ZFHX3: variants seen among roughly 807,000 people sequenced by gnomAD.
ZFHX3 encodes the protein zinc finger homeobox 3.
ZFHX3 carries 42 observed loss-of-function variants against 279.1 expected under a neutral mutation model. The observed-to-expected ratio is 0.15, with a 90% CI of 0.12 to 0.19. The LOEUF (loss-of-function observed/expected upper bound fraction) is 0.19, where lower values mean the gene tolerates loss of function less well. ZFHX3 is among the 10% of genes least tolerant of loss of function. The probability of loss-of-function intolerance (pLI) is 1.00; values close to 1 mark genes in which losing one functional copy is unlikely to be tolerated. For missense variants in ZFHX3, 4,981 were observed against 4,754.0 expected, an observed-to-expected ratio of 1.05 and a Z score of -1.40; for synonymous variants, 2,293 against 1,957.8, an observed-to-expected ratio of 1.17 and a Z score of -4.52.
At chr16:73,778,085 TA>T (rs1959319658) in intron 1 of ZFHX3, among the ~76,000 whole-genome samples, 1 of 151,926 alleles carries the variant, frequency 6.6e-6, no homozygotes, top group African/African-American at 2.4e-5. Context: ...ACAAAATAAA[TA>T]TTTTTTAAAA....
chr16:73,357,286 G>T (rs1211930881), intron 3 of ZFHX3, among the ~76,000 whole-genome samples: 4 of 151,788 alleles, frequency 2.6e-5, no homozygotes, highest in Non-Finnish European at 4.4e-5. Context: ...TGCATCAGCA[G>T]GTTTGCATCT....
At chr16:73,806,696 G>T (rs1378908195) in intron 1 of ZFHX3, among the ~76,000 whole-genome samples, 1 of 152,114 alleles carries the variant, frequency 6.6e-6, no homozygotes, top group Non-Finnish European at 1.5e-5. Context: ...CTTCCTCATT[G>T]CTTGCCCTTT....
Position 73,450,455 on chromosome 16 carries a change from A to AT in ZFHX3, c.-1291+5547dup, listed in dbSNP as rs565744881. On this transcript the variant is annotated intron_variant, in intron 3 of 17. Coordinates refer to the ZFHX3 transcript ENST00000641206. The stretch of plus-strand genomic sequence containing the variant: ...TATGTAGCGGACATGTGTCATTTTT[A>AT]TAAAAAAAAAGTCATTATTCCATAA... Among the ~76,000 whole-genome samples, 26 of 148,358 alleles carry AT rather than the reference A, an allele frequency of 1.8e-4. 1 individual carries two copies. Among genetic ancestry groups the AT allele is most frequent in the Non-Finnish European group, 3.0e-4 (20 of 66,980 alleles).
rs904865929 is a variant in ZFHX3 at position 73,750,140 on chromosome 16, G to A, written c.-1607-69900C>T. Among the ~76,000 whole-genome samples, 7 of 152,194 alleles carry A rather than the reference G, an allele frequency of 4.6e-5. No individual in the cohort carries two copies. In the South Asian group the frequency reaches 8.3e-4, roughly 18 times the overall value. On this transcript the variant is annotated intron_variant, in intron 1 of 17. Coordinates refer to the ZFHX3 transcript ENST00000641206. ...GAGAAAGGAACTCAATAGGGAGAAA[G>A]AAACCAAGGCTGACAGCTTCCCCTA...
intron 3 of ZFHX3, among the ~76,000 whole-genome samples, chr16:72,919,825 ACT>A (rs2039538166): frequency 1.2e-5 from 1 of 86,870 alleles, no homozygotes; most frequent in Non-Finnish European, 2.0e-5. Context: ...AGAGTTCTTC[ACT>A]CTGTTGCCAG....
chr16:72,917,251 T>C (rs1456840770), intron 3 of ZFHX3, among the ~76,000 whole-genome samples: 3 of 151,662 alleles, frequency 2.0e-5, no homozygotes, highest in South Asian at 2.1e-4. Flanking sequence ...AATAAATAAA[T>C]AAACAAACAA....
intron 2 of ZFHX3, chr16:73,499,663 G>C (rs1597359506): frequency 1.3e-5 from 2 of 152,150 alleles, no homozygotes; most frequent in African/African-American, 4.8e-5. Flanking sequence ...ATGTATGAGG[G>C]GATCTTAATA....
chr16:73,671,503 C>T (rs552935855), intron 2 of ZFHX3, among the ~76,000 whole-genome samples: 1 of 152,148 alleles, frequency 6.6e-6, no homozygotes, highest in African/African-American at 2.4e-5. Flanking sequence ...TTTTAGAAAA[C>T]CTTTAATTTA....
Position 73,471,427 on chromosome 16 carries a change from A to G in ZFHX3, c.-1546-15169T>C, listed in dbSNP as rs78338830. 2.0e-5 allele frequency among the ~76,000 whole-genome samples: 3 copies of G among 149,340 alleles called. No individual in the cohort carries two copies. In the East Asian group the frequency reaches 5.9e-4, roughly 29 times the overall value. ...TTTCTTTTTCTTTCTTTTTTTTTTT[A>G]GACAGAATTTCACTCTTGTCGCCCA... On this transcript the variant is annotated intron_variant, in intron 2 of 17. Coordinates refer to the ZFHX3 transcript ENST00000641206.
chr16:73,401,165 C>T (rs1041988335), intron 3 of ZFHX3: 9 of 151,940 alleles, frequency 5.9e-5, no homozygotes, highest in African/African-American at 2.2e-4. Flanking sequence ...GGTTTGTGGT[C>T]CCGCTCATCT....
In ZFHX3 at chr16:72,798,136, C is replaced by A. The variant is rs763864463; in HGVS notation, c.4546G>T (p.Asp1516Tyr). Residue 1516 changes from aspartate (D) to tyrosine (Y), a missense_variant, in exon 9 of 10, where the codon GAC becomes TAC. By Grantham distance (160) the Asp-to-Tyr change is radical. This residue lies in a region of ZFHX3 where 1,751 missense variants were observed against 1,770.0 expected (regional missense o/e 0.99). Coordinates refer to ENST00000268489, the MANE Select transcript of ZFHX3 (RefSeq NM_006885.4). ...GCTCTCTTTGGCTCTGAGCCCGAGTCTTCTTGTACTGACCCAGAGTCACTG... is the reference window on the plus strand; with the variant it reads ...GCTCTCTTTGGCTCTGAGCCCGAGTATTCTTGTACTGACCCAGAGTCACTG... ...TGSDSGSVQE[D>Y]SGSEPKRALP... The A allele has an allele frequency of 1.2e-6, 2 of 1,614,208 alleles. No homozygotes were observed. The highest frequency in any genetic ancestry group is 4.5e-5 in the East Asian group (2 of 44,888).
At chr16:73,540,631 T>A (rs2019994337) in intron 2 of ZFHX3, among the ~76,000 whole-genome samples, 1 of 152,262 alleles carries the variant, frequency 6.6e-6, no homozygotes, top group Admixed American at 6.5e-5. Context: ...TTCCTTTGAC[T>A]TTTTCAAGTA....
intron 1 of ZFHX3, among the ~76,000 whole-genome samples, chr16:73,807,538 T>TC (rs1183585065): frequency 2.0e-5 from 3 of 150,816 alleles, no homozygotes; most frequent in African/African-American, 7.3e-5. Flanking sequence ...CACTGCAGCC[T>TC]CCATCTCCTG....
intron 1 of ZFHX3, among the ~76,000 whole-genome samples, chr16:73,695,511 C>T (rs531761048): frequency 6.6e-6 from 1 of 152,138 alleles, no homozygotes; most frequent in African/African-American, 2.4e-5. Context: ...CAGAACTAGT[C>T]AACAGAAGGT....
chr16:73,441,256 A>C (rs966417444), intron 3 of ZFHX3, among the ~76,000 whole-genome samples: 1 of 152,158 alleles, frequency 6.6e-6, no homozygotes, highest in African/African-American at 2.4e-5. Flanking sequence ...AGGGAGAGAG[A>C]GATGCTGTAA....
chr16:72,988,550 T>C (rs2144561798), intron 1 of ZFHX3, among the ~76,000 whole-genome samples: 1 of 152,340 alleles, frequency 6.6e-6, no homozygotes, highest in Middle Eastern at 3.4e-3. Flanking sequence ...TCACTTCTTT[T>C]CAAATAACGC....
intron 4 of ZFHX3, among the ~76,000 whole-genome samples, chr16:73,312,266 T>C (rs1044471349): frequency 1.3e-4 from 20 of 152,114 alleles, no homozygotes; most frequent in Admixed American, 5.2e-4. Flanking sequence ...TATCTTTAAA[T>C]ATTTGGAGGG....
chr16:72,798,344 C>A lies in ZFHX3; in HGVS notation c.4338G>T (p.Lys1446Asn). Reference sequence around the variant, plus strand: ...GCTCCAGGTGGCTTGTCTCAAGGTGCTTCTTCAGAGCCTGGAAAGTTCGGA... The same window carrying A: ...GCTCCAGGTGGCTTGTCTCAAGGTGATTCTTCAGAGCCTGGAAAGTTCGGA... ...RSFRTFQALKKHLETSHLELS... is the reference protein window; with the variant it reads ...RSFRTFQALKNHLETSHLELS... Residue 1446 changes from lysine (K) to asparagine (N), a missense_variant, in exon 9 of 10, where the codon AAG (lysine) becomes AAT (asparagine). Around this residue, in one of 7 missense-constraint regions of ZFHX3, gnomAD observed 1,751 missense variants for 1,770.0 expected, o/e 0.99. Coordinates refer to ENST00000268489, the MANE Select transcript of ZFHX3 (RefSeq NM_006885.4). 6.2e-7 allele frequency: 1 copy of A among 1,614,228 alleles called. No homozygotes were observed.
At chr16:73,593,772 T>A (rs766198647) in intron 2 of ZFHX3, among the ~76,000 whole-genome samples, 8 of 152,090 alleles carry the variant, frequency 5.3e-5, no homozygotes, top group Non-Finnish European at 1.0e-4. Flanking sequence ...GTCACCACAT[T>A]AGCACATTAA....
Sources: gnomAD v4.1 joint callset for allele counts (sites outside exome capture counted in the v4.1 genomes callset) on GRCh38, gnomAD v4.1.1 for gene constraint, gnomAD v4.1.1 regional missense constraint, MANE v1.5 for transcripts, NCBI Gene and HGNC (gene_info 2026-07-23, HGNC 2026-07-21) for gene names.